CENPC: variants seen among roughly 807,000 people sequenced by gnomAD.
The protein encoded by CENPC is CENP-C 1.
CENPC carries 63 observed loss-of-function variants against 112.1 expected under a neutral mutation model. The ratio of observed to expected loss-of-function variants is 0.56; its 90% CI spans 0.46 to 0.69. The LOEUF is 0.69. Ranked by LOEUF, CENPC falls within the 30% of genes least tolerant of loss-of-function variation. CENPC has a pLI of 0.00. For synonymous variants in CENPC, 333 were observed against 367.6 expected (o/e 0.91, Z 1.08); for missense variants, 1,000 against 1,103.8 (o/e 0.91, Z 1.33).
At position 67,479,097 on chromosome 4, in the gene CENPC, G is replaced by A. The variant is rs550485539; in HGVS notation, c.2671-4119C>T. ...ACAATTACTACTAGGCCTAAGAAAC[G>A]AGATAGACGGCAACACACTTATACT... On this transcript the variant is annotated intron_variant, in intron 17 of 18. Transcript: ENST00000273853. Among the ~76,000 whole-genome samples, 367 of 152,152 alleles carry A rather than the reference G, an allele frequency of 2.4e-3. 2 individuals are homozygous for A. Among genetic ancestry groups the A allele is most frequent in the African/African-American group, 8.3e-3 (346 of 41,516 alleles).
In CENPC at chr4:67,506,997, C is replaced by T. The variant is rs1422758005; in HGVS notation, c.1905-63G>A. The T allele has an allele frequency of 1.3e-4, 166 of 1,242,556 alleles. 1 individual carries two copies. Among genetic ancestry groups the T allele is most frequent in the Admixed American group, 8.3e-4 (39 of 47,200 alleles). 77.0% of individuals were successfully genotyped at this position (1,242,556 alleles called of 1,614,324 possible). On this transcript the variant is annotated intron_variant, in intron 10 of 18. Coordinates refer to ENST00000273853, the MANE Select transcript of CENPC (RefSeq NM_001812.4). ...TCAAAATAAAATTTTCTTCCAGAAACGATACACAGGTGGGTACAAAGACAA... is the reference window on the plus strand; with the variant it reads ...TCAAAATAAAATTTTCTTCCAGAAATGATACACAGGTGGGTACAAAGACAA...
At chr4:67,518,458 G>A (rs1726124313) in intron 6 of CENPC, 90 bp from the exon 7 acceptor site, 1 of 1,290,930 alleles carries the variant, frequency 7.7e-7, no homozygotes, top group Non-Finnish European at 9.9e-7. Context: ...AGACAATACA[G>A]ACCAATTTAA....
chr4:67,477,650 T>C (rs1203269255), intron 17 of CENPC, among the ~76,000 whole-genome samples: 1 of 152,130 alleles, frequency 6.6e-6, no homozygotes, highest in Non-Finnish European at 1.5e-5. Context: ...CAAGGTTCTT[T>C]AACACCCCCA....
At chr4:67,491,459 A>G (rs1438801362) in intron 16 of CENPC, among the ~76,000 whole-genome samples, 18 of 48,094 alleles carry the variant, frequency 3.7e-4, no homozygotes, top group African/African-American at 1.3e-3. Flanking sequence ...ATATATATAT[A>G]TATATATATA....
chr4:67,521,106 T>C lies in CENPC; in HGVS notation c.332-1604A>G, dbSNP rs1006330516. On this transcript the variant is annotated intron_variant, in intron 5 of 18. Transcript: ENST00000273853. Reference sequence around the variant, plus strand: ...ACCAAAATAGGGCAACTATGTGCTGTAACAAAAGATTTAAGTAGTCTAAGA... The same window carrying C: ...ACCAAAATAGGGCAACTATGTGCTGCAACAAAAGATTTAAGTAGTCTAAGA... Among the ~76,000 whole-genome samples the C allele has an allele frequency of 4.0e-5, 6 of 150,082 alleles. No individual in the cohort carries two copies. The East Asian group carries it at 1.2e-3, about 30-fold the overall frequency.
In CENPC at chr4:67,508,887, T is replaced by A; in HGVS notation, c.1831A>T (p.Arg611Ter). ...TCCAATGGCTCACTCAGCGAACATCTGGAAATTTCATCATGACCAACGATA... is the reference window on the plus strand; with the variant it reads ...TCCAATGGCTCACTCAGCGAACATCAGGAAATTTCATCATGACCAACGATA... ...GGIVGHDEIS[R>*]CSLSEPLESD... is the part of the protein sequence containing the mutation. The change falls in exon 10 of 19, where the codon AGA becomes TGA. Residue 611 changes from arginine to a stop codon, truncating the protein, a stop_gained. Coordinates refer to ENST00000273853, the MANE Select transcript of CENPC (RefSeq NM_001812.4). LOFTEE classifies it high-confidence loss of function. The A allele has an allele frequency of 6.2e-7, 1 of 1,613,702 alleles. No individual in the cohort carries two copies. Among genetic ancestry groups the A allele is most frequent in the Non-Finnish European group, 8.5e-7 (1 of 1,179,748 alleles).
At chr4:67,516,550 A>G (rs1726061466) in intron 7 of CENPC, among the ~76,000 whole-genome samples, 1 of 152,040 alleles carries the variant, frequency 6.6e-6, no homozygotes, top group South Asian at 2.1e-4. Context: ...AACTCCTGAC[A>G]AATCTTATAA....
At chr4:67,488,187 T>G (rs1361081039) in intron 17 of CENPC, among the ~76,000 whole-genome samples, 1 of 151,920 alleles carries the variant, frequency 6.6e-6, no homozygotes, top group African/African-American at 2.4e-5. Context: ...GCTTAAACAT[T>G]TATCCCAAGG....
chr4:67,539,982 C>G, intron 3 of CENPC, 48 bp from the exon 4 acceptor site: 2 of 956,146 alleles, frequency 2.1e-6, no homozygotes, highest in Non-Finnish European at 3.0e-6. Flanking sequence ...AGTGTAATAT[C>G]TATTAGTCAC....
intron 3 of CENPC, among the ~76,000 whole-genome samples, chr4:67,540,541 A>G (rs1308504624): frequency 6.6e-6 from 1 of 152,148 alleles, no homozygotes; most frequent in Non-Finnish European, 1.5e-5. Flanking sequence ...GTGGTGGCAC[A>G]CACCTGTAAT....
At chr4:67,537,608 C>T (rs150863477) in intron 4 of CENPC, among the ~76,000 whole-genome samples, 1 of 152,090 alleles carries the variant, frequency 6.6e-6, no homozygotes, top group African/African-American at 2.4e-5. Flanking sequence ...GCCTGGCCAA[C>T]ATGGTTAAAC....
intron 5 of CENPC, among the ~76,000 whole-genome samples, chr4:67,519,871 C>T (rs1409523978): frequency 1.3e-5 from 2 of 152,076 alleles, no homozygotes; most frequent in Non-Finnish European, 2.9e-5. Context: ...ATTCTCTTAA[C>T]CCTCACCCTT....
At chr4:67,496,794 C>T (rs981517330) in intron 12 of CENPC, among the ~76,000 whole-genome samples, 2 of 152,036 alleles carry the variant, frequency 1.3e-5, no homozygotes, top group African/African-American at 4.8e-5. Context: ...TCGATTGTGT[C>T]AATGACTACA....
chr4:67,475,189 T>G (rs1029035906), intron 17 of CENPC, among the ~76,000 whole-genome samples: 1 of 152,266 alleles, frequency 6.6e-6, no homozygotes, highest in African/African-American at 2.4e-5. Flanking sequence ...TCTAATCACA[T>G]TAAGCCCTTA....
chr4:67,505,376 C>T (rs1725705695), intron 11 of CENPC, 92 bp from the exon 12 acceptor site: 1 of 731,718 alleles, frequency 1.4e-6, no homozygotes, highest in Middle Eastern at 2.7e-4. Context: ...CCTAAAACTG[C>T]CATAAGTCTT....
intron 2 of CENPC, among the ~76,000 whole-genome samples, chr4:67,542,296 T>C (rs1385292987): frequency 1.3e-5 from 2 of 152,114 alleles, no homozygotes; most frequent in African/African-American, 4.8e-5. Flanking sequence ...TCCAATAAAA[T>C]TGAAATAAAA....
chr4:67,493,965 C>T lies in CENPC; in HGVS notation c.2209G>A (p.Val737Ile). 6.2e-7 allele frequency: 1 copy of T among 1,611,562 alleles called. No individual in the cohort carries two copies. Among genetic ancestry groups the T allele is most frequent in the South Asian group, 1.1e-5 (1 of 90,486 alleles). ...AAACGTGTTCTCTTGGTCCTGCGAA[C>T]ATTTGGTGTGTTGGAGGGCAATACT... ...KLVLPSNTPNVRRTKRTRLKP... is the reference protein window; with the variant it reads ...KLVLPSNTPNIRRTKRTRLKP... The change falls in exon 14 of 19, where the codon GTT (valine) becomes ATT (isoleucine). Residue 737 changes from valine (V) to isoleucine (I), a missense_variant. By Grantham distance (29) the Val-to-Ile change is conservative (BLOSUM62 3). Transcript: ENST00000273853.
intron 13 of CENPC, 66 bp downstream of exon 13, chr4:67,495,093 T>C (rs1725393020): frequency 7.5e-7 from 1 of 1,339,976 alleles, no homozygotes; most frequent in Non-Finnish European, 1.0e-6. Context: ...AAATAAGTTA[T>C]ATTTAGAAAC....
intron 10 of CENPC, 39 bp downstream of exon 10, chr4:67,508,772 GAAC>G: frequency 6.4e-7 from 1 of 1,563,322 alleles, no homozygotes; most frequent in Non-Finnish European, 8.7e-7. Flanking sequence ...ATTAAATGCT[GAAC>G]AACAAAAGTA....
Sources: gnomAD v4.1 joint callset for allele counts (sites outside exome capture counted in the v4.1 genomes callset) on GRCh38, gnomAD v4.1.1 for gene constraint, MANE v1.5 for transcripts, NCBI Gene and HGNC (gene_info 2026-07-23, HGNC 2026-07-21) for gene names.